Variants in PRC1 observed in about 807,000 individuals in gnomAD.
The protein encoded by PRC1 is anaphase spindle elongation 1 homolog.
In PRC1, 54 loss-of-function variants were observed where a neutral mutation model predicts 91.2. The observed-to-expected ratio is 0.59, with a 90% CI of 0.48 to 0.74. PRC1 has a LOEUF of 0.74. Ranked by LOEUF, PRC1 falls within the 30% of genes least tolerant of loss-of-function variation. The pLI, the probability that PRC1 is intolerant of heterozygous loss-of-function variation, is 0.00. For synonymous variants in PRC1, 275 were observed against 263.6 expected (o/e 1.04, Z -0.42); for missense variants, 727 against 746.2 (o/e 0.97, Z 0.30).
chr15:90,978,019 G>A (rs928490493), intron 8 of PRC1, among the ~76,000 whole-genome samples: 12 of 152,200 alleles, frequency 7.9e-5, no homozygotes, highest in African/African-American at 2.2e-4. Context: ...TTTGCTGCCT[G>A]TAAACTTGAA....
At chr15:90,977,827 C>A (rs1376203798) in intron 8 of PRC1, among the ~76,000 whole-genome samples, 1 of 152,142 alleles carries the variant, frequency 6.6e-6, no homozygotes, top group Non-Finnish European at 1.5e-5. Flanking sequence ...ACCTCCTGAT[C>A]TGCCTGCCTC....
chr15:90,983,938 T>C, intron 3 of PRC1, 80 bp downstream of exon 3: 2 of 1,541,652 alleles, frequency 1.3e-6, no homozygotes, highest in African/African-American at 1.4e-5. Context: ...AAGCCTTCCA[T>C]CTGCAGGCCC....
At chr15:90,976,630 G>C (rs759723862) in intron 9 of PRC1, 46 bp downstream of exon 9, 2 of 1,381,472 alleles carry the variant, frequency 1.4e-6, no homozygotes, top group East Asian at 2.3e-5. Flanking sequence ...CAAATAGTGA[G>C]GTATCTTTGT....
At chr15:90,973,716 G>A (rs2151464309) in intron 11 of PRC1, among the ~76,000 whole-genome samples, 1 of 152,272 alleles carries the variant, frequency 6.6e-6, no homozygotes, top group South Asian at 2.1e-4. Context: ...ACTACACTGA[G>A]ATGTTTGGGT....
chr15:90,969,642 G>T lies in PRC1; in HGVS notation c.1573-19C>A. The T allele has an allele frequency of 1.3e-6, 2 of 1,574,826 alleles. No homozygotes were observed. The highest frequency in any genetic ancestry group is 1.7e-6 in the Non-Finnish European group (2 of 1,157,690). On this transcript the variant is annotated intron_variant, in intron 12 of 14. Coordinates refer to ENST00000394249, the MANE Select transcript of PRC1 (RefSeq NM_003981.4). ...CGACTGGCTGCAGAGAAAGGAAAGA[G>T]ATCCATGTATCATCCTTCTAATGAA... is the stretch of plus-strand genomic sequence containing the variant.
rs564511547 is a variant in PRC1 at position 90,974,638 on chromosome 15, C to T, written c.1297G>A (p.Ala433Thr). ...VNGQKFMEYV[A>T]EQWEMHRLEK... is the part of the protein sequence containing the mutation. ...AATCGATGCATCTCCCATTGTTCTG[C>T]CACATACTCCATGAATTTCTGCCCA... Residue 433 changes from alanine (A) to threonine (T), a missense_variant, in exon 10 of 15, where the codon GCA becomes ACA. Physicochemically the swap from Ala to Thr is moderately conservative, Grantham distance 58. Transcript: ENST00000394249. The surrounding 1 kb of genome is among the most constrained non-coding windows in gnomAD (Gnocchi z 4.6). The T allele has an allele frequency of 1.2e-6, 2 of 1,614,092 alleles. No individual in the cohort carries two copies. Among genetic ancestry groups the T allele is most frequent in the African/African-American group, 1.3e-5 (1 of 74,922 alleles).
At chr15:90,991,638 T>C (rs1470083095) in intron 1 of PRC1, among the ~76,000 whole-genome samples, 7 of 152,020 alleles carry the variant, frequency 4.6e-5, no homozygotes, top group Non-Finnish European at 8.8e-5. Context: ...ACTTAAATCT[T>C]GTATCATCCT....
chr15:90,974,641 C>T lies in PRC1; in HGVS notation c.1294G>A (p.Val432Met). 3.7e-6 allele frequency: 6 copies of T among 1,614,242 alleles called. No homozygotes were observed. Among genetic ancestry groups the T allele is most frequent in the Non-Finnish European group, 4.2e-6 (5 of 1,180,048 alleles). Reference sequence around the variant, plus strand: ...CGATGCATCTCCCATTGTTCTGCCACATACTCCATGAATTTCTGCCCATTC... The same window carrying T: ...CGATGCATCTCCCATTGTTCTGCCATATACTCCATGAATTTCTGCCCATTC... The part of the protein sequence containing the change: ...MVNGQKFMEY[V>M]AEQWEMHRLE... Residue 432 changes from valine to methionine, a missense_variant, in exon 10 of 15, where the codon GTG becomes ATG. Physicochemically the swap from Val to Met is conservative, Grantham distance 21 (BLOSUM62 1). Coordinates refer to ENST00000394249, the MANE Select transcript of PRC1 (RefSeq NM_003981.4). The surrounding 1 kb of genome is among the most constrained non-coding windows in gnomAD (Gnocchi z 4.6).
chr15:90,969,402 T>A, intron 13 of PRC1, 45 bp downstream of exon 13: 1 of 1,550,874 alleles, frequency 6.4e-7, no homozygotes, highest in Non-Finnish European at 8.7e-7. Flanking sequence ...CTGCCCCAAC[T>A]GTGTGCTCCC....
At position 90,984,573 on chromosome 15, in the gene PRC1, C is replaced by G; in HGVS notation, c.144+120G>C. On this transcript the variant is annotated intron_variant, in intron 2 of 14. Coordinates refer to ENST00000394249, the MANE Select transcript of PRC1 (RefSeq NM_003981.4). The surrounding 1 kb of genome is among the most constrained non-coding windows in gnomAD (Gnocchi z 5.1). Reference sequence around the variant, plus strand: ...GACTTCAAAACCAAACCAAACCAAACAGGAAGAGCCTGTGCTATCCTAATG... The same window carrying G: ...GACTTCAAAACCAAACCAAACCAAAGAGGAAGAGCCTGTGCTATCCTAATG... 7.0e-7 allele frequency: 1 copy of G among 1,427,700 alleles called. No individual in the cohort carries two copies. Among genetic ancestry groups the G allele is most frequent in the Non-Finnish European group, 9.4e-7 (1 of 1,058,882 alleles). 88.4% of individuals were successfully genotyped at this position (1,427,700 alleles called of 1,614,324 possible). A position where few individuals can be genotyped will look rare whatever the true frequency, so the allele number is the denominator to read the frequency against.
In PRC1 at chr15:90,981,579, T is replaced by C. The variant is rs1348587395; in HGVS notation, c.592A>G (p.Arg198Gly). 19 of 1,614,100 alleles carry C rather than the reference T, an allele frequency of 1.2e-5. No homozygotes were observed. The highest frequency in any genetic ancestry group is 1.5e-5 in the Non-Finnish European group (18 of 1,180,008). Residue 198 changes from arginine (R) to glycine (G), a missense_variant, in exon 5 of 15, where the codon AGA becomes GGA. By Grantham distance (125) the Arg-to-Gly change is moderately radical. Coordinates refer to ENST00000394249, the MANE Select transcript of PRC1 (RefSeq NM_003981.4). The stretch of plus-strand genomic sequence containing the variant: ...TCTTCGTCTTCACACACCACATCTC[T>C]TTCAAAGCTTGTGTCTGGGGTGTGG... ...LDHTPDTSFE[R>G]DVVCEDEDAF... is the part of the protein sequence containing the mutation.
chr15:90,968,306 G>A (rs1254581248), intron 14 of PRC1: 57 of 985,374 alleles, frequency 5.8e-5, no homozygotes, highest in Non-Finnish European at 6.5e-5. Flanking sequence ...GCTGGAGTAG[G>A]AAGCCAGTTT....
At chr15:90,971,470 G>C (rs1056135991) in intron 11 of PRC1, among the ~76,000 whole-genome samples, 3 of 152,038 alleles carry the variant, frequency 2.0e-5, no homozygotes, top group African/African-American at 4.8e-5. Context: ...ATTTGTAGTA[G>C]AGATGGGGCT....
chr15:90,981,237 G>A (rs986986389), intron 5 of PRC1: 66 of 748,006 alleles, frequency 8.8e-5, no homozygotes, highest in Non-Finnish European at 1.2e-4. Flanking sequence ...ATTTAGAACT[G>A]AAAAAAATTT....
intron 14 of PRC1, 42 bp downstream of exon 14, chr15:90,969,037 G>C: frequency 3.1e-6 from 5 of 1,613,528 alleles, no homozygotes; most frequent in Non-Finnish European, 4.2e-6. Context: ...GCAGATGACA[G>C]ATCAGTTTGG....
chr15:90,979,287 G>A lies in PRC1; in HGVS notation c.978C>T (p.Tyr326=). ...CGTGGAGCTGGAGCAGACTTTCTGTGTAGTCCTCTGCAAAATATAGGCCCA... is the reference window on the plus strand; with the variant it reads ...CGTGGAGCTGGAGCAGACTTTCTGTATAGTCCTCTGCAAAATATAGGCCCA... ...QAFAPFCAED[Y]TESLLQLHDA... The change falls in exon 8 of 15, where the codon TAC becomes TAT. Residue 326 remains tyrosine (Y), a synonymous_variant. Transcript: ENST00000394249. 1 of 1,613,376 alleles carries A rather than the reference G, an allele frequency of 6.2e-7. No individual in the cohort carries two copies. The highest frequency in any genetic ancestry group is 1.1e-5 in the South Asian group (1 of 91,012).
chr15:90,990,800 A>T (rs1235360550), intron 1 of PRC1, among the ~76,000 whole-genome samples: 2 of 151,024 alleles, frequency 1.3e-5, no homozygotes, highest in Non-Finnish European at 3.0e-5. Flanking sequence ...TTTTTTTGAG[A>T]CAGAGTCTCA....
chr15:90,967,369 C>G, intron 14 of PRC1, 167 bp from the exon 15 acceptor site: 2 of 621,296 alleles, frequency 3.2e-6, no homozygotes, highest in Non-Finnish European at 5.7e-6. Flanking sequence ...ACTCTGAGCA[C>G]CATTCTATTA....
intron 12 of PRC1, 81 bp downstream of exon 12, chr15:90,970,323 T>C: frequency 1.9e-6 from 2 of 1,031,866 alleles, no homozygotes; most frequent in Non-Finnish European, 3.0e-6. Context: ...GATCTTAGAA[T>C]CTAGAACAAG....
Sources: gnomAD v4.1 joint callset for allele counts (sites outside exome capture counted in the v4.1 genomes callset) on GRCh38, gnomAD v4.1.1 for gene constraint, Gnocchi (gnomAD v3.1) non-coding constraint, MANE v1.5 for transcripts, NCBI Gene and HGNC (gene_info 2026-07-23, HGNC 2026-07-21) for gene names.